MSR1: variants seen among roughly 807,000 people sequenced by gnomAD.
The protein encoded by MSR1 is macrophage scavenger receptor types I and II.
Under a neutral mutation model 47.2 loss-of-function variants are expected in MSR1, and 53 were observed. The ratio of observed to expected loss-of-function variants is 1.12; its 90% CI spans 0.90 to 1.41. The LOEUF is 1.41. MSR1 is among the 40% of genes most tolerant of loss of function. The pLI is 0.00. For missense variants in MSR1, 786 were observed against 546.9 expected (o/e 1.44, Z -4.36); for synonymous variants, 239 against 185.6 (o/e 1.29, Z -2.34).
intron 7 of MSR1, among the ~76,000 whole-genome samples, chr8:16,149,809 G>A (rs550867185): frequency 3.9e-4 from 59 of 151,996 alleles, no homozygotes; most frequent in African/African-American, 1.3e-3. Flanking sequence ...GTGGTTAAAC[G>A]GGTATTTACA....
intron 8 of MSR1, among the ~76,000 whole-genome samples, chr8:16,135,682 T>A (rs1800371701): frequency 6.6e-6 from 1 of 152,186 alleles, no homozygotes; most frequent in African/African-American, 2.4e-5. Context: ...ATTCCTCTGA[T>A]GTGTCTGAGC....
At chr8:16,152,510 G>C (rs1185709250) in intron 6 of MSR1, among the ~76,000 whole-genome samples, 2 of 152,082 alleles carry the variant, frequency 1.3e-5, no homozygotes, top group African/African-American at 4.8e-5. Context: ...GACTACGTAA[G>C]GAAGTAAATA....
intron 3 of MSR1, among the ~76,000 whole-genome samples, chr8:16,173,807 C>A (rs2117197815): frequency 6.6e-6 from 1 of 152,234 alleles, no homozygotes; most frequent in Non-Finnish European, 1.5e-5. Context: ...CGCCACCACT[C>A]CTGGCTAATT....
intron 8 of MSR1, chr8:16,140,622 G>C: frequency 2.7e-6 from 3 of 1,126,410 alleles, no homozygotes; most frequent in Non-Finnish European, 3.3e-6. Flanking sequence ...GTTAGGGTGA[G>C]AACACAGCAG....
chr8:16,179,879 C>CA (rs58441043), intron 1 of MSR1, among the ~76,000 whole-genome samples: 49,970 of 80,112 alleles, frequency 0.62, 16,212 homozygotes, highest in Non-Finnish European at 0.72. Context: ...CCCTGTGTCT[C>CA]AAAAAAAAAA....
intron 8 of MSR1, among the ~76,000 whole-genome samples, chr8:16,122,895 A>AGT (rs1177403134): frequency 9.7e-5 from 11 of 113,546 alleles, no homozygotes; most frequent in African/African-American, 3.8e-4. Context: ...CCCAGGCTGG[A>AGT]GTGTAGTGGC....
chr8:16,144,419 A>G (rs987406158), intron 7 of MSR1, among the ~76,000 whole-genome samples: 5 of 152,074 alleles, frequency 3.3e-5, no homozygotes, highest in African/African-American at 1.2e-4. Context: ...ATAAATCTAG[A>G]ACTGATCCTA....
intron 1 of MSR1, among the ~76,000 whole-genome samples, chr8:16,190,069 A>G (rs1352998487): frequency 1.3e-5 from 2 of 151,662 alleles, no homozygotes; most frequent in African/African-American, 4.8e-5. Flanking sequence ...GTTTGCCACC[A>G]TGCCCAGCTC....
chr8:16,141,949 G>A (rs373720037), intron 8 of MSR1, among the ~76,000 whole-genome samples: 51 of 152,214 alleles, frequency 3.4e-4, no homozygotes, highest in African/African-American at 1.2e-3. Flanking sequence ...GATAACATAA[G>A]GATAAGAAGG....
At chr8:16,125,709 C>G (rs1329387168) in intron 8 of MSR1, among the ~76,000 whole-genome samples, 1 of 152,028 alleles carries the variant, frequency 6.6e-6, no homozygotes, top group East Asian at 1.9e-4. Flanking sequence ...GAAAGGAAGA[C>G]AGGTAGACAT....
chr8:16,148,465 A>AT (rs1800758448), intron 7 of MSR1, among the ~76,000 whole-genome samples: 1 of 136,460 alleles, frequency 7.3e-6, no homozygotes, highest in African/African-American at 2.9e-5. Context: ...AATTTCTAAA[A>AT]CTTTTTTTTT....
chr8:16,166,584 A>G (rs193083160), intron 4 of MSR1, among the ~76,000 whole-genome samples: 7 of 152,126 alleles, frequency 4.6e-5, no homozygotes, highest in African/African-American at 1.7e-4. Context: ...AAAATCCTAT[A>G]TAGCATCCAC....
intron 1 of MSR1, among the ~76,000 whole-genome samples, chr8:16,189,868 A>G (rs147310113): frequency 0.013 from 1,840 of 144,832 alleles, 42 homozygotes; most frequent in African/African-American, 0.045. Flanking sequence ...TCCTTTTCCC[A>G]GGGGGCAATG....
At chr8:16,147,139 C>T (rs1013831165) in intron 7 of MSR1, among the ~76,000 whole-genome samples, 7 of 152,062 alleles carry the variant, frequency 4.6e-5, no homozygotes, top group South Asian at 2.1e-4. Flanking sequence ...ATTTTGAAGA[C>T]GGGCAAGGTT....
In MSR1 at chr8:16,177,886, T is replaced by C. The variant is rs754057495; in HGVS notation, c.103A>G (p.Asn35Asp). ...ARSMTALLPPNPKNSPSLQEK... is the reference protein window; with the variant it reads ...ARSMTALLPPDPKNSPSLQEK... ...GGGCAGCCCATCCCCCTCTACTTACTCGGAGGAAGCAAAGCTGTCATTGAG... is the reference window on the plus strand; with the variant it reads ...GGGCAGCCCATCCCCCTCTACTTACCCGGAGGAAGCAAAGCTGTCATTGAG... Residue 35 changes from asparagine to aspartate, a missense_variant and splice_region_variant, in exon 2 of 10, where the codon AAT becomes GAT. Asn to Asp is a conservative substitution (Grantham distance 23). Transcript: ENST00000262101. The C allele has an allele frequency of 9.9e-6, 16 of 1,613,190 alleles. No individual in the cohort carries two copies. Among genetic ancestry groups the C allele is most frequent in the African/African-American group, 1.3e-5 (1 of 74,876 alleles).
chr8:16,126,777 C>T lies in MSR1; in HGVS notation c.1034-6171G>A, dbSNP rs1800138867. 7.2e-5 allele frequency among the ~76,000 whole-genome samples: 11 copies of T among 152,176 alleles called. No individual in the cohort carries two copies. In the South Asian group the frequency reaches 2.3e-3, roughly 32 times the overall value. ...TCACCACGTAGCCTAGGCTGGTCTC[C>T]AACTCCTGAGCTCAAGCGATTTGCT... On this transcript the variant is annotated intron_variant, in intron 8 of 9. Transcript: ENST00000262101.
At chr8:16,120,245 C>T (rs1350499080) in intron 9 of MSR1, among the ~76,000 whole-genome samples, 173 bp downstream of exon 9, 2 of 151,600 alleles carry the variant, frequency 1.3e-5, no homozygotes, top group East Asian at 2.0e-4. Context: ...GGTGTGGTGG[C>T]GCGCGGCTGT....
intron 1 of MSR1, among the ~76,000 whole-genome samples, chr8:16,189,120 ACG>A: frequency 1.4e-5 from 2 of 145,818 alleles, no homozygotes; most frequent in Admixed American, 1.4e-4. Context: ...TTTCATATAT[ACG>A]CAAAACCTTA....
intron 1 of MSR1, among the ~76,000 whole-genome samples, chr8:16,188,852 A>G (rs1802076645): frequency 6.6e-6 from 1 of 151,450 alleles, no homozygotes; most frequent in Non-Finnish European, 1.5e-5. Flanking sequence ...CATCTTTTTT[A>G]TGGCTGCATA....
Sources: gnomAD v4.1 joint callset for allele counts (sites outside exome capture counted in the v4.1 genomes callset) on GRCh38, gnomAD v4.1.1 for gene constraint, MANE v1.5 for transcripts, NCBI Gene and HGNC (gene_info 2026-07-23, HGNC 2026-07-21) for gene names.